Variants in EML4 observed in about 807,000 individuals in gnomAD.
The protein encoded by EML4 is EMAP like 4.
A neutral mutation model predicts 129.0 loss-of-function variants in EML4; 72 were observed. The observed-to-expected ratio is 0.56, with a 90% CI of 0.46 to 0.68. The LOEUF (loss-of-function observed/expected upper bound fraction) is 0.68. Ranked by LOEUF, EML4 falls within the 30% of genes least tolerant of loss-of-function variation. The pLI, the probability that EML4 is intolerant of heterozygous loss-of-function variation, is 0.00. For synonymous variants in EML4, 532 were observed against 405.0 expected (o/e 1.31, Z -3.77); for missense variants, 1,363 against 1,190.6 (o/e 1.14, Z -2.13).
rs1292081739 is a variant in EML4, at chr2:42,331,088, A to G, written c.*881A>G. The G allele has an allele frequency of 4.6e-6, 1 of 218,132 alleles. No individual in the cohort carries two copies. Among genetic ancestry groups the G allele is most frequent in the African/African-American group, 2.2e-5 (1 of 44,516 alleles). The allele number at this position is 218,132 out of a possible 1,614,324, so 13.5% of individuals were successfully genotyped here. A position where few individuals can be genotyped will look rare whatever the true frequency, so the allele number is the denominator to read the frequency against. On this transcript the variant is annotated 3_prime_UTR_variant, in exon 23 of 23. Coordinates refer to ENST00000318522, the MANE Select transcript of EML4 (RefSeq NM_019063.5). ...ATAATTACCTGGCTAATTTCAGCTAAGCCTTCATCATAATTTGTTCCCTCA... is the reference window on the plus strand; with the variant it reads ...ATAATTACCTGGCTAATTTCAGCTAGGCCTTCATCATAATTTGTTCCCTCA...
At chr2:42,296,054 C>T (rs1667929881) in intron 13 of EML4, among the ~76,000 whole-genome samples, 1 of 152,134 alleles carries the variant, frequency 6.6e-6, no homozygotes, top group Non-Finnish European at 1.5e-5. Flanking sequence ...CCCAAATATA[C>T]AGGTCCTCTT....
chr2:42,312,247 C>A (rs1242227666), intron 17 of EML4, among the ~76,000 whole-genome samples: 2 of 151,132 alleles, frequency 1.3e-5, no homozygotes, highest in African/African-American at 2.4e-5. Context: ...GGTTATAAAT[C>A]AAAAATAAAA....
chr2:42,208,718 C>T (rs139861240), intron 1 of EML4, among the ~76,000 whole-genome samples: 2,570 of 152,086 alleles, frequency 0.017, 80 homozygotes, highest in African/African-American at 0.058. Context: ...CAGGCATGAG[C>T]CACTGCACCT....
chr2:42,318,246 T>A (rs1324998482), intron 19 of EML4, among the ~76,000 whole-genome samples: 10 of 152,246 alleles, frequency 6.6e-5, no homozygotes, highest in African/African-American at 2.2e-4. Context: ...TGAATTTGAA[T>A]TCTTTAACAC....
intron 10 of EML4, among the ~76,000 whole-genome samples, chr2:42,286,592 C>T (rs1242848503): frequency 6.6e-6 from 1 of 152,178 alleles, no homozygotes; most frequent in Non-Finnish European, 1.5e-5. Context: ...AGATATTTTA[C>T]TTTAATTATT....
chr2:42,238,857 T>G (rs1674847826), intron 1 of EML4, among the ~76,000 whole-genome samples: 3 of 152,192 alleles, frequency 2.0e-5, no homozygotes, highest in African/African-American at 7.2e-5. Flanking sequence ...AGTCATGCCT[T>G]ACTGCAGCCG....
chr2:42,237,967 A>T (rs1265178466), intron 1 of EML4, among the ~76,000 whole-genome samples: 1 of 152,228 alleles, frequency 6.6e-6, no homozygotes, highest in Non-Finnish European at 1.5e-5. Context: ...AATGATGGTT[A>T]TGCCAAAAAA....
chr2:42,228,531 A>G (rs1157850073), intron 1 of EML4, among the ~76,000 whole-genome samples: 4 of 152,242 alleles, frequency 2.6e-5, no homozygotes, highest in African/African-American at 9.6e-5. Context: ...CTGTAGTCTT[A>G]TAATTCAGAA....
At chr2:42,326,061 A>G (rs1284404836) in intron 20 of EML4, 93 bp from the exon 21 acceptor site, 1 of 1,506,896 alleles carries the variant, frequency 6.6e-7, no homozygotes, top group East Asian at 2.4e-5. Flanking sequence ...GATTATAAAT[A>G]CAAGTAAACG....
intron 7 of EML4, among the ~76,000 whole-genome samples, chr2:42,282,514 C>T (rs1667068661): frequency 6.6e-6 from 1 of 152,088 alleles, no homozygotes; most frequent in African/African-American, 2.4e-5. Flanking sequence ...CCACCTCAGA[C>T]TCCCAAGTAG....
intron 1 of EML4, among the ~76,000 whole-genome samples, chr2:42,227,473 C>CT (rs201223334): frequency 0.039 from 5,242 of 133,142 alleles, 281 homozygotes; most frequent in African/African-American, 0.11. Context: ...CCTGTTAAGG[C>CT]TTTTTTTTTT....
Position 42,204,359 on chromosome 2 carries a change from G to T in EML4, c.25+34723G>T, listed in dbSNP as rs144928656. Among the ~76,000 whole-genome samples, 6 of 152,256 alleles carry T rather than the reference G, an allele frequency of 3.9e-5. No individual in the cohort carries two copies. In the East Asian group the frequency reaches 9.7e-4, roughly 25 times the overall value. On this transcript the variant is annotated intron_variant, in intron 1 of 22. Coordinates refer to ENST00000318522, the MANE Select transcript of EML4 (RefSeq NM_019063.5). ...TTCAGTACCTACAGCTTAATCTCTTGTCTGCTGTGGTTTATGGCAGGGGCT... is the reference window on the plus strand; with the variant it reads ...TTCAGTACCTACAGCTTAATCTCTTTTCTGCTGTGGTTTATGGCAGGGGCT...
chr2:42,323,784 A>C (rs1180061396), intron 19 of EML4, among the ~76,000 whole-genome samples: 1 of 149,482 alleles, frequency 6.7e-6, no homozygotes, highest in South Asian at 2.1e-4. Context: ...AAAAAAAAAA[A>C]CAAACAAAAA....
rs529126272 is a variant in EML4, at chr2:42,287,911, A to T, written c.1123-316A>T. Among the ~76,000 whole-genome samples the T allele has an allele frequency of 9.2e-5, 14 of 152,282 alleles. No homozygotes were observed. In the South Asian group the frequency reaches 2.9e-3, roughly 32 times the overall value. On this transcript the variant is annotated intron_variant, in intron 10 of 22. Coordinates refer to ENST00000318522, the MANE Select transcript of EML4 (RefSeq NM_019063.5). ...AGCTTAATACAGGCAGCAAGAAGGA[A>T]GCATAAGATGCAGAAGGGACTAGGA...
At chr2:42,315,594 C>A (rs2103786210) in intron 17 of EML4, among the ~76,000 whole-genome samples, 1 of 152,314 alleles carries the variant, frequency 6.6e-6, no homozygotes, top group Middle Eastern at 3.4e-3. Context: ...ATAGACCTGT[C>A]TGGGCACAGT....
chr2:42,218,652 G>A (rs1673357732), intron 1 of EML4, among the ~76,000 whole-genome samples: 1 of 152,164 alleles, frequency 6.6e-6, no homozygotes, highest in Non-Finnish European at 1.5e-5. Context: ...ATCATAGTTA[G>A]TTCAGTGTCA....
chr2:42,233,462 T>C (rs1438953196), intron 1 of EML4, among the ~76,000 whole-genome samples: 1 of 151,778 alleles, frequency 6.6e-6, no homozygotes, highest in East Asian at 1.9e-4. Context: ...CCCGCCACCA[T>C]GCCCAGCCAA....
At chr2:42,222,338 G>A (rs534062382) in intron 1 of EML4, among the ~76,000 whole-genome samples, 6 of 152,082 alleles carry the variant, frequency 3.9e-5, no homozygotes, top group African/African-American at 1.4e-4. Flanking sequence ...TCACTGTTTT[G>A]TATCCTGTGA....
intron 13 of EML4, among the ~76,000 whole-genome samples, chr2:42,298,590 C>T (rs1378274174): frequency 2.6e-5 from 4 of 152,010 alleles, no homozygotes; most frequent in Admixed American, 6.5e-5. Context: ...TAAGCTAAGT[C>T]GATACTAGGT....
Sources: allele counts gnomAD v4.1 joint callset (sites outside exome capture counted in the v4.1 genomes callset), GRCh38; gene constraint gnomAD v4.1.1; transcripts MANE v1.5; gene names NCBI Gene and HGNC (gene_info 2026-07-23, HGNC 2026-07-21).